The following PIEZO1 variants were observed in gnomAD, a reference collection of about 807,000 sequenced individuals.
PIEZO1 encodes piezo-type mechanosensitive ion channel component 1.
In PIEZO1, 296 loss-of-function variants were observed where a neutral mutation model predicts 297.2. The ratio of observed to expected loss-of-function variants is 1.00; its 90% CI spans 0.91 to 1.10. PIEZO1 has a LOEUF of 1.10. Among genes scored for constraint, PIEZO1 ranks in the 50% least tolerant of loss-of-function variants. PIEZO1 has a pLI of 0.00. For missense variants in PIEZO1, 5,018 were observed against 3,455.5 expected, an observed-to-expected ratio of 1.45 and a Z score of -11.34; for synonymous variants, 2,427 against 1,507.5, an observed-to-expected ratio of 1.61 and a Z score of -14.13.
At chr16:88,726,031 A>G (rs1904399054) in intron 27 of PIEZO1, 1 of 568,484 alleles carries the variant, frequency 1.8e-6, no homozygotes, top group Non-Finnish European at 3.1e-6. Context: ...TTAGTGGGAA[A>G]GTTGGCTGGG....
Position 88,736,152 on chromosome 16 carries a change from G to A in PIEZO1, c.1553C>T (p.Ala518Val). Residue 518 changes from alanine to valine, a missense_variant, in exon 12 of 51, where the codon GCC (alanine) becomes GTC (valine). Transcript: ENST00000301015. The part of the protein sequence containing the change: ...HTRYPCLDLG[A>V]MLLYTLTFWL... ...GATGTGGTGGTGCACACTCACCATG[G>A]CACCAAGGTCCAGACAGGGGTAGCG... is the stretch of plus-strand genomic sequence containing the variant. 6.5e-7 allele frequency: 1 copy of A among 1,544,256 alleles called. No individual in the cohort carries two copies. The highest frequency in any genetic ancestry group is 2.0e-5 in the Admixed American group (1 of 50,854).
chr16:88,748,920 G>C (rs1353664965), intron 2 of PIEZO1, among the ~76,000 whole-genome samples: 1 of 130,188 alleles, frequency 7.7e-6, no homozygotes. Context: ...GAGATAGAGC[G>C]AGACTCGGTC....
At position 88,736,259 on chromosome 16, in the gene PIEZO1, G is replaced by A. The variant is rs1432960529; in HGVS notation, c.1446C>T (p.Tyr482=). 1.6e-5 allele frequency: 25 copies of A among 1,550,006 alleles called. No homozygotes were observed. Among genetic ancestry groups the A allele is most frequent in the Middle Eastern group, 1.7e-4 (1 of 5,984 alleles). The change falls in exon 12 of 51, where the codon TAC becomes TAT. Residue 482 remains tyrosine, a synonymous_variant. Coordinates refer to ENST00000301015, the MANE Select transcript of PIEZO1 (RefSeq NM_001142864.4). ...LYGMTLCCLR[Y]VWAMDLRPEL... ...CAGGGCGCAGGTCCATGGCCCACAC[G>A]TAGCGTAGGCAGCACAGCGTCATCC...
At chr16:88,720,780 CCCTGGGGACTGGGCCT>C (rs1410898604) in intron 39 of PIEZO1, 32 bp from the exon 40 acceptor site, 1 of 1,455,046 alleles carries the variant, frequency 6.9e-7, no homozygotes, top group Non-Finnish European at 9.0e-7. Context: ...TGCCTGGGCC[CCCTGGGGACTGGGCCT>C]GGCTCATGGC....
intron 2 of PIEZO1, among the ~76,000 whole-genome samples, chr16:88,746,010 G>A (rs1246469511): frequency 6.6e-6 from 1 of 152,188 alleles, no homozygotes; most frequent in Non-Finnish European, 1.5e-5. Flanking sequence ...ATTGTTCTGT[G>A]GGGAGTGTGG....
Position 88,741,561 on chromosome 16 carries a change from T to C in PIEZO1, c.382A>G (p.Ile128Val). Residue 128 changes from isoleucine (I) to valine (V), a missense_variant, in exon 5 of 51, where the codon ATC (isoleucine) becomes GTC (valine). Physicochemically the swap from Ile to Val is conservative, Grantham distance 29. Transcript: ENST00000301015. Reference protein sequence around the residue: ...AIRLVAPDLGILVVSSVCLGI... With the variant: ...AIRLVAPDLGVLVVSSVCLGI... ...AGGCAGACAGAGGAGACCACCAAGA[T>C]GCCCAGGTCAGGGGCCACCAGCCGG... 1 of 1,535,346 alleles carries C rather than the reference T, an allele frequency of 6.5e-7. No homozygotes were observed. The highest frequency in any genetic ancestry group is 8.7e-7 in the Non-Finnish European group (1 of 1,146,692).
chr16:88,733,181 G>T, intron 19 of PIEZO1, 97 bp downstream of exon 19: 1 of 1,135,784 alleles, frequency 8.8e-7, no homozygotes, highest in Non-Finnish European at 1.2e-6. Flanking sequence ...CTCCATTGCT[G>T]GCCCCACTGC....
At chr16:88,737,051 T>C in intron 10 of PIEZO1, 1 of 290,106 alleles carries the variant, frequency 3.4e-6, no homozygotes, top group Non-Finnish European at 6.4e-6. Context: ...CGTGGCTTCA[T>C]TTGCTTCATT....
At position 88,737,649 on chromosome 16, in the gene PIEZO1, G is replaced by A; in HGVS notation, c.1108-3C>T. 7 of 1,534,606 alleles carry A rather than the reference G, an allele frequency of 4.6e-6. No homozygotes were observed. The highest frequency in any genetic ancestry group is 1.4e-5 in the African/African-American group (1 of 73,130). On this transcript the variant is annotated splice_polypyrimidine_tract_variant and splice_region_variant and intron_variant, in intron 9 of 50. Transcript: ENST00000301015. ...TCGGGTGCTGTGGGCACCACGTGCT[G>A]TGGGCAAGCAGCGCTGAGCCATGCA...
At position 88,721,529 on chromosome 16, in the gene PIEZO1, C is replaced by T. The variant is rs557495718; in HGVS notation, c.5403+9G>A. ...CAGCCCCGCATTGCCAGCCAAGGCT[C>T]ACACTCACCAGCAGCTGGGAGCGGT... On this transcript the variant is annotated intron_variant, in intron 38 of 50. Coordinates refer to ENST00000301015, the MANE Select transcript of PIEZO1 (RefSeq NM_001142864.4). The T allele has an allele frequency of 1.3e-6, 2 of 1,546,920 alleles. No homozygotes were observed. The highest frequency in any genetic ancestry group is 2.7e-5 in the African/African-American group (2 of 72,978).
At chr16:88,763,008 A>G (rs6500501) in intron 1 of PIEZO1, among the ~76,000 whole-genome samples, 112,733 of 152,118 alleles carry the variant, frequency 0.74, 42,429 homozygotes, top group African/African-American at 0.88. Context: ...ATGAGCAGCC[A>G]TCATGGGGGT....
chr16:88,738,583 G>C lies in PIEZO1; in HGVS notation c.619C>G (p.Leu207Val). ...CGGTGCGTACCTGCCAGTGCAAGCA[G>C]TGTTACGGCCAGGACCCGCCCAGCC... ...VAAGRVLAVT[L>V]LALAGIAHPS... Residue 207 changes from leucine to valine, a missense_variant, in exon 6 of 51, where the codon CTG (leucine) becomes GTG (valine). By Grantham distance (32) the Leu-to-Val change is conservative (BLOSUM62 1). Coordinates refer to ENST00000301015, the MANE Select transcript of PIEZO1 (RefSeq NM_001142864.4). 6.5e-7 allele frequency: 1 copy of C among 1,535,458 alleles called. No homozygotes were observed. The highest frequency in any genetic ancestry group is 8.7e-7 in the Non-Finnish European group (1 of 1,146,626).
rs990897688 is a variant in PIEZO1, at chr16:88,720,166, G to C, written c.6067C>G (p.Leu2023Val). 6.4e-7 allele frequency: 1 copy of C among 1,550,496 alleles called. No homozygotes were observed. Among genetic ancestry groups the C allele is most frequent in the Non-Finnish European group, 8.7e-7 (1 of 1,146,972 alleles). ...AGCTTGCCCAGCACGGTCTTGCGCA[G>C]GTAGAGGGCGCGGTCAACCACCATG... ...STMVVDRALY[L>V]RKTVLGKLAF... Residue 2023 changes from leucine to valine, a missense_variant, in exon 42 of 51, where the codon CTG (leucine) becomes GTG (valine). By Grantham distance (32) the Leu-to-Val change is conservative. Transcript: ENST00000301015.
At chr16:88,747,441 G>T (rs1038275719) in intron 2 of PIEZO1, among the ~76,000 whole-genome samples, 1 of 152,040 alleles carries the variant, frequency 6.6e-6, no homozygotes, top group African/African-American at 2.4e-5. Context: ...GCTTGAACCC[G>T]CGAGGCGGAG....
chr16:88,769,591 C>T (rs537131543), intron 1 of PIEZO1, among the ~76,000 whole-genome samples: 1 of 152,238 alleles, frequency 6.6e-6, no homozygotes, highest in Non-Finnish European at 1.5e-5. Flanking sequence ...CACCTCACAT[C>T]GGCCGGCTCC....
Position 88,727,625 on chromosome 16 carries a change from T to C in PIEZO1, c.3233A>G (p.Asn1078Ser). The C allele has an allele frequency of 6.6e-7, 1 of 1,518,210 alleles. No individual in the cohort carries two copies. The highest frequency in any genetic ancestry group is 8.9e-7 in the Non-Finnish European group (1 of 1,126,628). The allele number at this position is 1,518,210 out of a possible 1,614,324, so 94.0% of individuals were successfully genotyped here. A position where few individuals can be genotyped will look rare whatever the true frequency, so the allele number is the denominator to read the frequency against. ...PWRWSRAVPMNSALIKWLYLP... is the reference protein window; with the variant it reads ...PWRWSRAVPMSSALIKWLYLP... ...GTACAGCCACTTGATGAGTGCGGAG[T>C]TCATGGGGACGGCCCGGCTCCAGCG... Residue 1078 changes from asparagine (N) to serine (S), a missense_variant, in exon 23 of 51, where the codon AAC becomes AGC. By Grantham distance (46) the Asn-to-Ser change is conservative (BLOSUM62 1). Transcript: ENST00000301015.
chr16:88,731,901 G>A lies in PIEZO1; in HGVS notation c.3001C>T (p.Leu1001=). 1.8e-6 allele frequency: 2 copies of A among 1,103,324 alleles called. No individual in the cohort carries two copies. The highest frequency in any genetic ancestry group is 1.8e-5 in the South Asian group (1 of 54,098). 68.3% of individuals were successfully genotyped at this position (1,103,324 alleles called of 1,614,324 possible). ...TGCCCGATCACGTTCACGGCCATCA[G>A]GAAGCAGATCTGGGGAGGGGAGAGG... is the stretch of plus-strand genomic sequence containing the variant. ...FYKFGLEICF[L]MAVNVIGQRM... is the part of the protein sequence containing the mutation. Residue 1001 remains leucine, a synonymous_variant, in exon 22 of 51, where the codon CTG becomes TTG. Transcript: ENST00000301015.
chr16:88,784,186 T>C (rs1474240065), intron 1 of PIEZO1, among the ~76,000 whole-genome samples: 2 of 152,204 alleles, frequency 1.3e-5, no homozygotes, highest in Admixed American at 6.5e-5. Flanking sequence ...TGGGGACCCC[T>C]GCCCCGCCCT....
At chr16:88,734,165 G>T in intron 16 of PIEZO1, 111 bp from the exon 17 acceptor site, 1 of 1,369,376 alleles carries the variant, frequency 7.3e-7, no homozygotes, top group Non-Finnish European at 9.8e-7. Flanking sequence ...CAGTTCAGGT[G>T]CACAGCTGTG....
Sources: allele counts gnomAD v4.1 joint callset (sites outside exome capture counted in the v4.1 genomes callset), GRCh38; gene constraint gnomAD v4.1.1; transcripts MANE v1.5; gene names NCBI Gene and HGNC (gene_info 2026-07-23, HGNC 2026-07-21).